The following SCLT1 variants were observed in gnomAD, a reference collection of about 807,000 sequenced individuals.
SCLT1 encodes the protein sodium channel and clathrin linker 1.
SCLT1 carries 78 observed loss-of-function variants against 112.8 expected under a neutral mutation model. The observed-to-expected ratio is 0.69, with a 90% CI of 0.58 to 0.83. The LOEUF (loss-of-function observed/expected upper bound fraction) is 0.83, where lower values mean the gene tolerates loss of function less well. Among genes scored for constraint, SCLT1 ranks in the 40% least tolerant of loss-of-function variants. The pLI is 0.00. For synonymous variants in SCLT1, 257 were observed against 254.7 expected (o/e 1.01, Z -0.09); for missense variants, 747 against 770.4 (o/e 0.97, Z 0.36).
intron 2 of SCLT1, among the ~76,000 whole-genome samples, chr4:129,070,516 T>C (rs182197716): frequency 4.2e-4 from 64 of 152,288 alleles, no homozygotes; most frequent in African/African-American, 1.5e-3. Flanking sequence ...AATTTATCCA[T>C]CTCTTCTAGG....
chr4:128,902,432 T>C (rs1463893323), intron 18 of SCLT1, among the ~76,000 whole-genome samples: 1 of 152,222 alleles, frequency 6.6e-6, no homozygotes, highest in Non-Finnish European at 1.5e-5. Context: ...GCTCCTAGGC[T>C]ACAAACCTGT....
At chr4:128,894,943 G>C (rs902903989) in intron 18 of SCLT1, among the ~76,000 whole-genome samples, 2 of 152,136 alleles carry the variant, frequency 1.3e-5, no homozygotes, top group African/African-American at 4.8e-5. Context: ...CTCCTAAAGT[G>C]CTGGGATTAC....
chr4:129,093,233 GC>G lies in SCLT1; in HGVS notation c.-131del. On this transcript the variant is annotated 5_prime_UTR_variant, in exon 1 of 21. An upstream start codon of the reference 5' UTR is lost. Transcript: ENST00000281142. Reference sequence around the variant, plus strand: ...GTCAAGCGCTCCAGCGGTGCAATCTGCATCCTACTCACGCGGCATCTACAGC... The same window carrying G: ...GTCAAGCGCTCCAGCGGTGCAATCTGATCCTACTCACGCGGCATCTACAGC... 1.3e-6 allele frequency: 1 copy of G among 790,374 alleles called. No homozygotes were observed. The highest frequency in any genetic ancestry group is 2.2e-6 in the Non-Finnish European group (1 of 456,650). The allele number at this position is 790,374 out of a possible 1,614,324, so 49.0% of individuals were successfully genotyped here.
chr4:129,004,065 T>C (rs1337182292), intron 5 of SCLT1, among the ~76,000 whole-genome samples, 189 bp from the exon 6 acceptor site: 2 of 152,172 alleles, frequency 1.3e-5, no homozygotes, highest in Non-Finnish European at 2.9e-5. Context: ...CAAAAGATTA[T>C]ATAACAATTT....
rs533556800 is a variant in SCLT1 at position 129,014,199 on chromosome 4, C to A, written c.291-10323G>T. On this transcript the variant is annotated intron_variant, in intron 5 of 20. Transcript: ENST00000281142. ...TTCTATACTGGCTATTTTTGCTGGG[C>A]AGCTCCTGCATTGTTTTATCATCGT... 2.0e-5 allele frequency among the ~76,000 whole-genome samples: 3 copies of A among 150,542 alleles called. No homozygotes were observed. In the South Asian group the frequency reaches 6.5e-4, roughly 32 times the overall value.
intron 18 of SCLT1, among the ~76,000 whole-genome samples, chr4:128,931,692 G>C (rs1736781223): frequency 6.6e-6 from 1 of 152,152 alleles, no homozygotes; most frequent in Non-Finnish European, 1.5e-5. Flanking sequence ...TCGATCTCTT[G>C]ACCTCGTGAT....
At chr4:129,036,324 T>C (rs982818840) in intron 5 of SCLT1, among the ~76,000 whole-genome samples, 3 of 152,048 alleles carry the variant, frequency 2.0e-5, no homozygotes, top group Non-Finnish European at 4.4e-5. Context: ...TCAAAAGACC[T>C]GCATATGAAA....
At chr4:128,902,897 A>C (rs1010558151) in intron 18 of SCLT1, among the ~76,000 whole-genome samples, 2 of 152,130 alleles carry the variant, frequency 1.3e-5, no homozygotes, top group African/African-American at 4.8e-5. Context: ...TATACATTAG[A>C]CAACGCCTAC....
intron 12 of SCLT1, among the ~76,000 whole-genome samples, chr4:128,959,341 G>A (rs1211966035): frequency 6.6e-6 from 1 of 151,974 alleles, no homozygotes; most frequent in Non-Finnish European, 1.5e-5. Flanking sequence ...TGAGACTACA[G>A]GGGATGAAGA....
At chr4:129,070,314 T>A (rs983189896) in intron 2 of SCLT1, among the ~76,000 whole-genome samples, 2 of 152,118 alleles carry the variant, frequency 1.3e-5, no homozygotes, top group African/African-American at 4.8e-5. Context: ...TCTTGGGGAA[T>A]AGTATCAAAA....
intron 2 of SCLT1, among the ~76,000 whole-genome samples, chr4:129,061,914 G>A (rs1381673344): frequency 6.6e-6 from 1 of 152,200 alleles, no homozygotes. Context: ...TACAGTGTTA[G>A]TTCCTGGTTA....
chr4:128,929,711 A>G (rs1736600728), intron 18 of SCLT1, among the ~76,000 whole-genome samples: 1 of 152,220 alleles, frequency 6.6e-6, no homozygotes, highest in African/African-American at 2.4e-5. Flanking sequence ...ACAAATTATG[A>G]CAAAAGGGGC....
At chr4:128,985,989 C>T (rs936350588) in intron 9 of SCLT1, among the ~76,000 whole-genome samples, 2 of 152,280 alleles carry the variant, frequency 1.3e-5, no homozygotes, top group East Asian at 3.9e-4. Context: ...AATGACCACC[C>T]ACATAAGAAA....
At chr4:128,934,929 A>T (rs140869112) in intron 18 of SCLT1, among the ~76,000 whole-genome samples, 60 of 152,088 alleles carry the variant, frequency 3.9e-4, no homozygotes, top group African/African-American at 1.3e-3. Context: ...TGCCATTAAG[A>T]ACAATGTCTG....
At chr4:129,025,110 G>A (rs1745915917) in intron 5 of SCLT1, among the ~76,000 whole-genome samples, 1 of 152,186 alleles carries the variant, frequency 6.6e-6, no homozygotes. Context: ...ATGGAACCAA[G>A]TTGGAAAACA....
rs72922099 is a variant in SCLT1 at position 128,993,163 on chromosome 4, A to G, written c.616-926T>C. ...CTCATTCTGTCTGCATTCATTCCTC[A>G]ATACCATGTGTGGTTTACTCATTCT... On this transcript the variant is annotated intron_variant, in intron 8 of 20. Coordinates refer to ENST00000281142, the MANE Select transcript of SCLT1 (RefSeq NM_144643.4). Among the ~76,000 whole-genome samples, 718 of 152,046 alleles carry G rather than the reference A, an allele frequency of 4.7e-3. 4 individuals are homozygous for G. Among genetic ancestry groups the G allele is most frequent in the African/African-American group, 0.016 (659 of 41,506 alleles).
chr4:129,090,866 C>T (rs913017318), intron 1 of SCLT1, among the ~76,000 whole-genome samples: 3 of 152,016 alleles, frequency 2.0e-5, no homozygotes, highest in African/African-American at 7.3e-5. Context: ...AGCTGCCTGT[C>T]GTTATGATAT....
intron 18 of SCLT1, among the ~76,000 whole-genome samples, chr4:128,901,574 T>C (rs796504836): frequency 9.2e-5 from 14 of 151,728 alleles, no homozygotes; most frequent in African/African-American, 3.4e-4. Context: ...TAATGTTAAA[T>C]GATGAGTTAC....
At chr4:128,991,968 A>G (rs576187118) in intron 9 of SCLT1, among the ~76,000 whole-genome samples, 199 bp downstream of exon 9, 1 of 151,884 alleles carries the variant, frequency 6.6e-6, no homozygotes, top group African/African-American at 2.4e-5. Flanking sequence ...TAAAGGTCTG[A>G]CTGTATATCA....
Sources: gnomAD v4.1 joint callset for allele counts (sites outside exome capture counted in the v4.1 genomes callset) on GRCh38, gnomAD v4.1.1 for gene constraint, MANE v1.5 for transcripts, NCBI Gene and HGNC (gene_info 2026-07-23, HGNC 2026-07-21) for gene names.